Variants in EVC observed in about 807,000 individuals in gnomAD.
EVC encodes EvC ciliary complex subunit 1, also known as evC complex member EVC.
Under a neutral mutation model 118.9 loss-of-function variants are expected in EVC, and 116 were observed. The observed-to-expected ratio is 0.98, with a 90% CI of 0.84 to 1.14. The LOEUF (loss-of-function observed/expected upper bound fraction) is 1.14. EVC is among the 50% of genes most tolerant of loss of function. The probability of loss-of-function intolerance (pLI) is 0.00; values close to 1 mark genes in which losing one functional copy is unlikely to be tolerated. For synonymous variants in EVC, 619 were observed against 534.7 expected (o/e 1.16, Z -2.18); for missense variants, 1,401 against 1,246.4 (o/e 1.12, Z -1.87).
chr4:5,739,550 G>A (rs889622648), intron 5 of EVC, among the ~76,000 whole-genome samples: 7 of 152,210 alleles, frequency 4.6e-5, no homozygotes, highest in Non-Finnish European at 1.0e-4. Flanking sequence ...GCCCAGAAGA[G>A]TGATTAACAA....
chr4:5,798,841 G>C lies in EVC; in HGVS notation c.2304+49G>C, dbSNP rs1164455841. 3.2e-6 allele frequency: 5 copies of C among 1,578,236 alleles called. No individual in the cohort carries two copies. The highest frequency in any genetic ancestry group is 2.7e-5 in the African/African-American group (2 of 74,396). On this transcript the variant is annotated intron_variant, in intron 15 of 20. Transcript: ENST00000264956. This position sits in a 1 kb window ranked among gnomAD's most constrained non-coding sequence, Gnocchi z 4.1. Reference sequence around the variant, plus strand: ...GGGACACCGAGGGCAAGAATGTTCAGGGTAGGGTCCATGCCTGGGTCTGCT... The same window carrying C: ...GGGACACCGAGGGCAAGAATGTTCACGGTAGGGTCCATGCCTGGGTCTGCT...
At chr4:5,724,570 G>C (rs1552062) in intron 2 of EVC, among the ~76,000 whole-genome samples, 1 of 151,934 alleles carries the variant, frequency 6.6e-6, no homozygotes, top group Non-Finnish European at 1.5e-5. Flanking sequence ...ATGATTAGCT[G>C]TGTGGCCTTG....
At chr4:5,778,471 C>T (rs1182108888) in intron 11 of EVC, among the ~76,000 whole-genome samples, 1 of 151,444 alleles carries the variant, frequency 6.6e-6, no homozygotes, top group Non-Finnish European at 1.5e-5. Flanking sequence ...TAAAAGTGTT[C>T]CTATTTCTCC....
chr4:5,711,231 A>T lies in EVC; in HGVS notation c.-150A>T. The T allele has an allele frequency of 2.6e-6, 1 of 379,764 alleles. No individual in the cohort carries two copies. Among genetic ancestry groups the T allele is most frequent in the Non-Finnish European group, 3.6e-6 (1 of 275,678 alleles). The allele number at this position is 379,764 out of a possible 1,614,324, so 23.5% of individuals were successfully genotyped here. On this transcript the variant is annotated 5_prime_UTR_variant, in exon 1 of 21. The change creates a new upstream start codon in the 5' untranslated region. Transcript: ENST00000264956. ...TCGGCGAAGCAGGGAAGGGGAGAGA[A>T]GCAGGAGTCGGGAGACTGCACAGGC...
Position 5,742,753 on chromosome 4 carries a change from C to T in EVC, c.801+939C>T, listed in dbSNP as rs1728802691. Reference sequence around the variant, plus strand: ...TACCACCATAATCATCATCACCATCCTTATTGCCATCACCACCACCAATGT... The same window carrying T: ...TACCACCATAATCATCATCACCATCTTTATTGCCATCACCACCACCAATGT... On this transcript the variant is annotated intron_variant, in intron 6 of 20. Coordinates refer to ENST00000264956, the MANE Select transcript of EVC (RefSeq NM_153717.3). This position sits in a 1 kb window ranked among gnomAD's most constrained non-coding sequence, Gnocchi z 5.2. 1.3e-5 allele frequency among the ~76,000 whole-genome samples: 2 copies of T among 152,144 alleles called. No homozygotes were observed. The highest frequency in any genetic ancestry group is 2.1e-4 in the South Asian group (1 of 4,818).
intron 11 of EVC, among the ~76,000 whole-genome samples, chr4:5,761,567 A>T (rs1048720559): frequency 6.6e-6 from 1 of 151,896 alleles, no homozygotes; most frequent in Non-Finnish European, 1.5e-5. Context: ...GACTTTCGTT[A>T]GTGCCTAGTA....
chr4:5,780,433 T>G (rs1577550243), intron 11 of EVC, among the ~76,000 whole-genome samples: 1 of 152,232 alleles, frequency 6.6e-6, no homozygotes, highest in East Asian at 1.9e-4. Flanking sequence ...CAGTTGCTCA[T>G]CTTCTCTGTG....
intron 5 of EVC, among the ~76,000 whole-genome samples, chr4:5,739,839 G>A (rs1728241894): frequency 6.7e-6 from 1 of 149,376 alleles, no homozygotes; most frequent in African/African-American, 2.5e-5. Flanking sequence ...GTGGAGGCAG[G>A]CAGGTTGCAT....
chr4:5,794,275 A>ATT, intron 13 of EVC, among the ~76,000 whole-genome samples: 1 of 140,076 alleles, frequency 7.1e-6, no homozygotes, highest in Non-Finnish European at 1.5e-5. Context: ...ATATTTATAT[A>ATT]TATTTATATA....
rs576158008 is a variant in EVC at position 5,804,325 on chromosome 4, A to G, written c.2450-405A>G. ...GAAGGAGCTCCAAGAAATGGGGCATAACTTCAGAGCCCAGACTTCCTAGCT... is the reference window on the plus strand; with the variant it reads ...GAAGGAGCTCCAAGAAATGGGGCATGACTTCAGAGCCCAGACTTCCTAGCT... On this transcript the variant is annotated intron_variant, in intron 16 of 20. Transcript: ENST00000264956. 2.6e-5 allele frequency among the ~76,000 whole-genome samples: 4 copies of G among 152,326 alleles called. No individual in the cohort carries two copies. The East Asian group carries it at 7.7e-4, about 29-fold the overall frequency.
intron 4 of EVC, among the ~76,000 whole-genome samples, chr4:5,732,377 C>T (rs879465393): frequency 6.6e-6 from 1 of 152,214 alleles, no homozygotes; most frequent in Admixed American, 6.5e-5. Context: ...GGGCTCAGCA[C>T]CTTGAGCCTG....
intron 1 of EVC, among the ~76,000 whole-genome samples, chr4:5,714,520 G>A (rs35051373): frequency 0.16 from 22,741 of 141,880 alleles, 2,154 homozygotes; most frequent in East Asian, 0.32. Context: ...TTTTGGCTGC[G>A]TGCAATAGCC....
At chr4:5,767,857 A>G (rs943274261) in intron 11 of EVC, among the ~76,000 whole-genome samples, 1 of 152,026 alleles carries the variant, frequency 6.6e-6, no homozygotes, top group African/African-American at 2.4e-5. Flanking sequence ...GAAATCACCC[A>G]TCTTCTGCGT....
intron 16 of EVC, among the ~76,000 whole-genome samples, chr4:5,803,732 G>C (rs1715392311): frequency 6.6e-6 from 1 of 152,170 alleles, no homozygotes; most frequent in Admixed American, 6.5e-5. Context: ...AGGCTATCCA[G>C]GTTCAGTCTC....
At chr4:5,779,788 C>G (rs10022883) in intron 11 of EVC, among the ~76,000 whole-genome samples, 47,792 of 133,394 alleles carry the variant, frequency 0.36, 8,300 homozygotes, top group Admixed American at 0.45. Context: ...CGTCTGCAAA[C>G]AGGGACAATT....
chr4:5,716,440 T>G (rs1450335063), intron 1 of EVC, among the ~76,000 whole-genome samples: 1 of 152,184 alleles, frequency 6.6e-6, no homozygotes, highest in African/African-American at 2.4e-5. Flanking sequence ...GAAAAGAACC[T>G]TAGCTCAGGC....
chr4:5,791,124 G>T (rs889408013), intron 12 of EVC, among the ~76,000 whole-genome samples: 22 of 152,184 alleles, frequency 1.4e-4, no homozygotes, highest in African/African-American at 5.1e-4. Flanking sequence ...TTATAGTAAT[G>T]AAAACAGAAA....
At chr4:5,726,841 G>C (rs1044621629) in intron 2 of EVC, among the ~76,000 whole-genome samples, 6 of 150,108 alleles carry the variant, frequency 4.0e-5, no homozygotes, top group Admixed American at 6.6e-5. Context: ...TTGTTCTTGC[G>C]ATAGTTTACT....
At chr4:5,784,086 G>T (rs1338566487) in intron 12 of EVC, among the ~76,000 whole-genome samples, 7 of 152,176 alleles carry the variant, frequency 4.6e-5, no homozygotes, top group South Asian at 2.1e-4. Context: ...GGGCTCAGTG[G>T]GGGTGGGAGA....
Sources: gnomAD v4.1 joint callset for allele counts (sites outside exome capture counted in the v4.1 genomes callset) on GRCh38, gnomAD v4.1.1 for gene constraint, Gnocchi (gnomAD v3.1) non-coding constraint, MANE v1.5 for transcripts, NCBI Gene and HGNC (gene_info 2026-07-23, HGNC 2026-07-21) for gene names.